The following TMEM140 variants were observed in gnomAD, a reference collection of about 807,000 sequenced individuals.
TMEM140 encodes the protein transmembrane protein 140.
For synonymous variants in TMEM140, 107 were observed against 106.8 expected (o/e 1.00, Z -0.01); for missense variants, 236 against 228.5 (o/e 1.03, Z -0.21).
chr7:135,157,953 T>C (rs1259668697), intron 1 of TMEM140, among the ~76,000 whole-genome samples: 1 of 151,836 alleles, frequency 6.6e-6, no homozygotes, highest in Non-Finnish European at 1.5e-5. Flanking sequence ...AGCAGCATGG[T>C]CAAGAAGCTG....
intron 1 of TMEM140, among the ~76,000 whole-genome samples, chr7:135,162,719 G>C (rs1829976888): frequency 6.6e-6 from 1 of 152,168 alleles, no homozygotes; most frequent in African/African-American, 2.4e-5. Flanking sequence ...GGGATTATGG[G>C]AGCTATAATT....
chr7:135,148,210 A>C lies in TMEM140; in HGVS notation c.-85A>C, dbSNP rs1197584873. On this transcript the variant is annotated 5_prime_UTR_variant, in exon 1 of 2. Coordinates refer to ENST00000275767, the MANE Select transcript of TMEM140 (RefSeq NM_018295.5). The stretch of plus-strand genomic sequence containing the variant: ...AGCGAGAAGGAAGATTCAAACAACC[A>C]ACCCTGATTTCCTGCTTCTCCTTTT... The C allele has an allele frequency of 7.1e-6, 3 of 423,236 alleles. No homozygotes were observed. The highest frequency in any genetic ancestry group is 6.3e-5 in the African/African-American group (3 of 47,926). The allele number at this position is 423,236 out of a possible 1,614,324, so 26.2% of individuals were successfully genotyped here.
intron 1 of TMEM140, among the ~76,000 whole-genome samples, chr7:135,158,516 G>A (rs758364993): frequency 2.0e-5 from 3 of 152,234 alleles, no homozygotes; most frequent in Non-Finnish European, 4.4e-5. Flanking sequence ...CCCATGGCAG[G>A]GCAGGGGGTC....
At chr7:135,158,518 C>CA (rs1213230750) in intron 1 of TMEM140, among the ~76,000 whole-genome samples, 1 of 152,250 alleles carries the variant, frequency 6.6e-6, no homozygotes, top group Non-Finnish European at 1.5e-5. Flanking sequence ...CATGGCAGGG[C>CA]AGGGGGTCTT....
intron 1 of TMEM140, among the ~76,000 whole-genome samples, chr7:135,149,327 T>C (rs1031164502): frequency 6.6e-6 from 1 of 152,224 alleles, no homozygotes; most frequent in African/African-American, 2.4e-5. Context: ...CTTTCTCCTA[T>C]GCCTCTTTAT....
chr7:135,154,238 G>A lies in TMEM140; in HGVS notation c.-25+5968G>A, dbSNP rs1013261386. ...TCTTTCTTCTTGGTTAATCTAGCTA[G>A]TGGTTTATCAATTTTGTCTATCTTT... On this transcript the variant is annotated intron_variant, in intron 1 of 1. Transcript: ENST00000275767. 3.9e-5 allele frequency among the ~76,000 whole-genome samples: 6 copies of A among 152,074 alleles called. No homozygotes were observed. The East Asian group carries it at 1.2e-3, about 29-fold the overall frequency.
Position 135,164,448 on chromosome 7 carries a change from G to A in TMEM140, c.7G>A (p.Gly3Ser), listed in dbSNP as rs776496054. The change falls in exon 2 of 2, where the codon GGC becomes AGC. Residue 3 changes from glycine to serine, a missense_variant. Transcript: ENST00000275767. The stretch of plus-strand genomic sequence containing the variant: ...CCGGCAGAGGGCAGTAGAGATGGCC[G>A]GCCCAAGGCCTCGGTGGCGCGACCA... MA[G>S]PRPRWRDQLL... The A allele has an allele frequency of 2.2e-5, 35 of 1,596,852 alleles. No homozygotes were observed. The highest frequency in any genetic ancestry group is 6.7e-5 in the Admixed American group (4 of 59,784).
At chr7:135,162,948 T>A (rs1829983771) in intron 1 of TMEM140, among the ~76,000 whole-genome samples, 1 of 152,198 alleles carries the variant, frequency 6.6e-6, no homozygotes, top group South Asian at 2.1e-4. Flanking sequence ...GATTAGCAAA[T>A]TTTCTGTAGG....
At chr7:135,159,099 C>T (rs978043840) in intron 1 of TMEM140, among the ~76,000 whole-genome samples, 7 of 152,214 alleles carry the variant, frequency 4.6e-5, no homozygotes, top group Non-Finnish European at 7.3e-5. Context: ...GAGCCTCTCC[C>T]GACTCTCAGT....
At chr7:135,155,086 T>G (rs1052863257) in intron 1 of TMEM140, among the ~76,000 whole-genome samples, 1 of 152,268 alleles carries the variant, frequency 6.6e-6, no homozygotes, top group Non-Finnish European at 1.5e-5. Context: ...CATTATACAA[T>G]GACCTTATCT....
Position 135,165,243 on chromosome 7 carries a change from A to C in TMEM140, c.*244A>C. On this transcript the variant is annotated 3_prime_UTR_variant, in exon 2 of 2. Transcript: ENST00000275767. The stretch of plus-strand genomic sequence containing the variant: ...AAGGCTCCCAAAGACTCCCTAAACC[A>C]TGCAGCTCATTGTCACACCAATTCC... 9.0e-6 allele frequency: 4 copies of C among 443,136 alleles called. No individual in the cohort carries two copies. The highest frequency in any genetic ancestry group is 1.7e-5 in the Non-Finnish European group (4 of 239,946). 27.5% of individuals were successfully genotyped at this position (443,136 alleles called of 1,614,324 possible). A position where few individuals can be genotyped will look rare whatever the true frequency, so the allele number is the denominator to read the frequency against.
chr7:135,153,104 T>A (rs1290459196), intron 1 of TMEM140: 3 of 152,096 alleles, frequency 2.0e-5, no homozygotes, highest in Admixed American at 2.0e-4. Context: ...AATCACCAGA[T>A]AAATGCAAAT....
intron 1 of TMEM140, among the ~76,000 whole-genome samples, chr7:135,156,069 C>T (rs1341153502): frequency 6.6e-6 from 1 of 151,986 alleles, no homozygotes; most frequent in Non-Finnish European, 1.5e-5. Flanking sequence ...AAAATGCCAT[C>T]CCATTGTTTT....
chr7:135,164,622 A>T lies in TMEM140; in HGVS notation c.181A>T (p.Thr61Ser). 1.9e-6 allele frequency: 3 copies of T among 1,614,048 alleles called. No homozygotes were observed. In the South Asian group the frequency reaches 3.3e-5, roughly 18 times the overall value. The change falls in exon 2 of 2, where the codon ACC becomes TCC. Residue 61 changes from threonine (T) to serine (S), a missense_variant. Thr to Ser is a moderately conservative substitution (Grantham distance 58). Transcript: ENST00000275767. The stretch of plus-strand genomic sequence containing the variant: ...CTGCCTGTGGAATGAGGACACCAGC[A>T]CCCTACAGTGTCACCAGTTCCCTGA... The part of the protein sequence containing the change: ...NFCLWNEDTS[T>S]LQCHQFPELE...
At chr7:135,152,533 G>T (rs189685781) in intron 1 of TMEM140, among the ~76,000 whole-genome samples, 1 of 152,360 alleles carries the variant, frequency 6.6e-6, no homozygotes, top group Admixed American at 6.5e-5. Flanking sequence ...CTACATGGTT[G>T]TAAGAAATTA....
At chr7:135,155,671 C>G (rs1829774636) in intron 1 of TMEM140, among the ~76,000 whole-genome samples, 2 of 152,060 alleles carry the variant, frequency 1.3e-5, no homozygotes, top group African/African-American at 4.8e-5. Flanking sequence ...GGCAAAATAG[C>G]AAGATCTTGT....
chr7:135,149,312 A>G (rs999805159), intron 1 of TMEM140, among the ~76,000 whole-genome samples: 1 of 152,120 alleles, frequency 6.6e-6, no homozygotes, highest in African/African-American at 2.4e-5. Flanking sequence ...ATACTTCTTT[A>G]GTCTCTTTCT....
rs754822323 is a variant in TMEM140 at position 135,164,425 on chromosome 7, G to T, written c.-17G>T. The T allele has an allele frequency of 4.4e-6, 7 of 1,587,058 alleles. No homozygotes were observed. The highest frequency in any genetic ancestry group is 6.0e-6 in the Non-Finnish European group (7 of 1,158,244). On this transcript the variant is annotated 5_prime_UTR_variant, in exon 2 of 2. Transcript: ENST00000275767. ...GCTGTGACTTCCCCGCAGGTCCCCC[G>T]GCAGAGGGCAGTAGAGATGGCCGGC... is the stretch of plus-strand genomic sequence containing the variant.
chr7:135,155,805 T>G (rs1040822353), intron 1 of TMEM140, among the ~76,000 whole-genome samples: 5 of 152,210 alleles, frequency 3.3e-5, no homozygotes, highest in Non-Finnish European at 7.3e-5. Flanking sequence ...GAACTGTGAT[T>G]GCACTACTGT....
Sources: allele counts gnomAD v4.1 joint callset (sites outside exome capture counted in the v4.1 genomes callset), GRCh38; gene constraint gnomAD v4.1.1; transcripts MANE v1.5; gene names NCBI Gene and HGNC (gene_info 2026-07-23, HGNC 2026-07-21).